Variants in PCDHA3 observed in about 807,000 individuals in gnomAD.
The protein encoded by PCDHA3 is protocadherin alpha 3, also known as protocadherin alpha-3.
In PCDHA3, 41 loss-of-function variants were observed where a neutral mutation model predicts 62.2. The ratio of observed to expected loss-of-function variants is 0.66; its 90% CI spans 0.51 to 0.86. The LOEUF is 0.86. Ranked by LOEUF, PCDHA3 falls within the 40% of genes least tolerant of loss-of-function variation. The pLI is 0.00. For missense variants in PCDHA3, 1,304 were observed against 1,241.2 expected, an observed-to-expected ratio of 1.05 and a Z score of -0.76; for synonymous variants, 640 against 555.4, an observed-to-expected ratio of 1.15 and a Z score of -2.14.
At chr5:140,917,892 T>C (rs1382149175) in intron 1 of PCDHA3, among the ~76,000 whole-genome samples, 2 of 152,104 alleles carry the variant, frequency 1.3e-5, no homozygotes, top group African/African-American at 4.8e-5. Flanking sequence ...TTTTTCCATA[T>C]GAATGTTAGG....
At chr5:140,841,479 G>T (rs2150316299) in intron 1 of PCDHA3, 1 of 1,613,084 alleles carries the variant, frequency 6.2e-7, no homozygotes, top group Non-Finnish European at 8.5e-7. Context: ...CAGGACCTGG[G>T]GCTGGAGCTG....
intron 1 of PCDHA3, chr5:140,841,189 TTTCTC>T: frequency 8.1e-7 from 1 of 1,233,560 alleles, no homozygotes; most frequent in East Asian, 2.5e-5. Flanking sequence ...TTCAAAGTCT[TTTCTC>T]TGACAGCATC....
chr5:140,994,272 CT>C (rs1359828811), intron 3 of PCDHA3, among the ~76,000 whole-genome samples: 4 of 152,168 alleles, frequency 2.6e-5, no homozygotes, highest in African/African-American at 9.7e-5. Flanking sequence ...GCTAGGCTGC[CT>C]TTCTTGAGAC....
At chr5:140,834,036 C>A (rs2150213017) in intron 1 of PCDHA3, among the ~76,000 whole-genome samples, 3 of 152,146 alleles carry the variant, frequency 2.0e-5, no homozygotes, top group Admixed American at 2.0e-4. Flanking sequence ...AGCCATCAGT[C>A]GCCTAAGAAT....
intron 1 of PCDHA3, chr5:140,821,687 T>C: frequency 1.5e-6 from 2 of 1,378,436 alleles, no homozygotes; most frequent in Non-Finnish European, 2.0e-6. Flanking sequence ...GGCGATAATA[T>C]AAAAAATATA....
rs187680387 is a variant in PCDHA3 at position 140,827,841 on chromosome 5, T to C, written c.2394+24250T>C. 68 of 458,788 alleles carry C rather than the reference T, an allele frequency of 1.5e-4. No homozygotes were observed. The East Asian group carries it at 2.3e-3, about 16-fold the overall frequency. The allele number at this position is 458,788 out of a possible 1,614,324, so 28.4% of individuals were successfully genotyped here. A position where few individuals can be genotyped will look rare whatever the true frequency, so the allele number is the denominator to read the frequency against. ...TACTATAAAAGTAGAGAAAAGAAGATACTGTTTTAAAAATATATGGTATAG... is the reference window on the plus strand; with the variant it reads ...TACTATAAAAGTAGAGAAAAGAAGACACTGTTTTAAAAATATATGGTATAG... On this transcript the variant is annotated intron_variant, in intron 1 of 3. Transcript: ENST00000522353.
chr5:140,852,464 G>A (rs2042343085), intron 1 of PCDHA3: 1 of 189,256 alleles, frequency 5.3e-6, no homozygotes, highest in Non-Finnish European at 1.1e-5. Context: ...TTTTAGTAGA[G>A]ATGGGGTTTC....
chr5:140,849,469 A>T, intron 1 of PCDHA3: 1 of 1,589,622 alleles, frequency 6.3e-7, no homozygotes. Context: ...GCTGTCGATA[A>T]AGGCTTCCCA....
intron 1 of PCDHA3, among the ~76,000 whole-genome samples, chr5:140,938,027 T>C (rs1372788447): frequency 6.6e-6 from 1 of 152,220 alleles, no homozygotes; most frequent in Non-Finnish European, 1.5e-5. Flanking sequence ...TAAAATCTCA[T>C]ATTTTTATAT....
intron 1 of PCDHA3, among the ~76,000 whole-genome samples, chr5:140,950,042 T>C (rs2153688283): frequency 6.6e-6 from 1 of 152,082 alleles, no homozygotes; most frequent in South Asian, 2.1e-4. Flanking sequence ...GTTACAACCA[T>C]ATAAGACTAT....
intron 1 of PCDHA3, among the ~76,000 whole-genome samples, chr5:140,833,361 T>G (rs1376018154): frequency 1.3e-5 from 2 of 152,142 alleles, no homozygotes; most frequent in African/African-American, 2.4e-5. Flanking sequence ...ACGAACACAG[T>G]AAGGTAGATC....
At chr5:140,883,760 C>T (rs199864330) in intron 1 of PCDHA3, 18 of 1,612,790 alleles carry the variant, frequency 1.1e-5, no homozygotes, top group Non-Finnish European at 1.4e-5. Context: ...GGTGGAGCGG[C>T]GGGTGGGCGA....
chr5:140,833,113 A>G (rs1554133763), intron 1 of PCDHA3, among the ~76,000 whole-genome samples: 1 of 152,250 alleles, frequency 6.6e-6, no homozygotes, highest in Non-Finnish European at 1.5e-5. Flanking sequence ...ACACTCTTCA[A>G]AGTCATTTGA....
intron 1 of PCDHA3, among the ~76,000 whole-genome samples, chr5:140,838,860 T>C (rs2150293011): frequency 1.3e-4 from 20 of 151,904 alleles, no homozygotes; most frequent in Non-Finnish European, 2.9e-4. Context: ...AGGTCCAAGC[T>C]GCAGTTATCA....
rs566700844 is a variant in PCDHA3, at chr5:140,926,191, C to T, written c.2395-52758C>T. On this transcript the variant is annotated intron_variant, in intron 1 of 3. Coordinates refer to ENST00000522353, the MANE Select transcript of PCDHA3 (RefSeq NM_018906.3). Reference sequence around the variant, plus strand: ...CCAGCGCGGAAAGCCCCCCGCAGCACTTCTTTCGGGGGGCTCCTGTTTCCT... The same window carrying T: ...CCAGCGCGGAAAGCCCCCCGCAGCATTTCTTTCGGGGGGCTCCTGTTTCCT... Among the ~76,000 whole-genome samples the T allele has an allele frequency of 8.1e-3, 1,227 of 151,838 alleles. 6 individuals carry two copies. Among genetic ancestry groups the T allele is most frequent in the African/African-American group, 0.019 (793 of 41,542 alleles).
chr5:140,966,916 G>A lies in PCDHA3; in HGVS notation c.2395-12033G>A, dbSNP rs1554228883. On this transcript the variant is annotated intron_variant, in intron 1 of 3. Coordinates refer to ENST00000522353, the MANE Select transcript of PCDHA3 (RefSeq NM_018906.3). Reference sequence around the variant, plus strand: ...CCCAGCTGCGATACTCTGTGCCAGAGGAGCAGGCACCCGGCGCGCTCGTGG... The same window carrying A: ...CCCAGCTGCGATACTCTGTGCCAGAAGAGCAGGCACCCGGCGCGCTCGTGG... 13 of 1,602,486 alleles carry A rather than the reference G, an allele frequency of 8.1e-6. No individual in the cohort carries two copies. In the South Asian group the frequency reaches 1.4e-4, roughly 18 times the overall value.
In PCDHA3 at chr5:140,999,156, C is replaced by T. The variant is rs533302480; in HGVS notation, c.2543-10471C>T. On this transcript the variant is annotated intron_variant, in intron 3 of 3. Transcript: ENST00000522353. ...GTCACAGCCGGAAGTCTTCAGTCCCCTAGAAGGAAAAGAGCCTGATGGGGA... is the reference window on the plus strand; with the variant it reads ...GTCACAGCCGGAAGTCTTCAGTCCCTTAGAAGGAAAAGAGCCTGATGGGGA... 4.6e-5 allele frequency among the ~76,000 whole-genome samples: 7 copies of T among 152,280 alleles called. No individual in the cohort carries two copies. In the East Asian group the frequency reaches 1.4e-3, roughly 29 times the overall value.
At chr5:140,824,610 G>GTTGT (rs1768193318) in intron 1 of PCDHA3, 2 of 95,104 alleles carry the variant, frequency 2.1e-5, no homozygotes, top group African/African-American at 9.7e-5. Flanking sequence ...GCTAATTAAA[G>GTTGT]TTTTTTTTTT....
In PCDHA3 at chr5:140,883,696, G is replaced by C. The variant is rs142212706; in HGVS notation, c.2394+80105G>C. On this transcript the variant is annotated intron_variant, in intron 1 of 3. Transcript: ENST00000522353. ...ATCCGCCGGGCTGCCACATCTTCAC[G>C]GTGTCTGCTCAGGACGCGGACGCAC... The C allele has an allele frequency of 1.7e-4, 276 of 1,613,818 alleles. 1 individual carries two copies. In the African/African-American group the frequency reaches 3.2e-3, roughly 19 times the overall value.
Sources: gnomAD v4.1 joint callset for allele counts (sites outside exome capture counted in the v4.1 genomes callset) on GRCh38, gnomAD v4.1.1 for gene constraint, MANE v1.5 for transcripts, NCBI Gene and HGNC (gene_info 2026-07-23, HGNC 2026-07-21) for gene names.